NUP133: variants seen among roughly 807,000 people sequenced by gnomAD.
The protein encoded by NUP133 is nuclear pore complex protein Nup133.
In NUP133, 66 loss-of-function variants were observed where a neutral mutation model predicts 146.2. The observed-to-expected ratio is 0.45, with a 90% confidence interval of 0.37 to 0.55. The LOEUF (loss-of-function observed/expected upper bound fraction) is 0.55. Ranked by LOEUF, NUP133 falls within the 20% of genes least tolerant of loss-of-function variation. The probability of loss-of-function intolerance (pLI) is 0.00; values close to 1 mark genes in which losing one functional copy is unlikely to be tolerated. For missense variants in NUP133, 1,277 were observed against 1,374.8 expected, an observed-to-expected ratio of 0.93 and a Z score of 1.12; for synonymous variants, 521 against 498.8, an observed-to-expected ratio of 1.04 and a Z score of -0.59.
rs138083603 is a variant in NUP133 at position 229,444,772 on chromosome 1, G to A, written c.3334+142C>T. 2.0e-4 allele frequency: 107 copies of A among 535,976 alleles called. 1 individual carries two copies. The East Asian group carries it at 3.1e-3, about 15-fold the overall frequency. The allele number at this position is 535,976 out of a possible 1,614,324, so 33.2% of individuals were successfully genotyped here. On this transcript the variant is annotated intron_variant, in intron 25 of 25. Coordinates refer to ENST00000261396, the MANE Select transcript of NUP133 (RefSeq NM_018230.3). ...TGAGGCAGAAGAATTGCTTGAACCC[G>A]GGAGGTGGAGGCTGCACTGAGCCGA...
At position 229,440,433 on chromosome 1, in the gene NUP133, G is replaced by C. The variant is rs1238780038; in HGVS notation, c.*1471C>G. The C allele has an allele frequency of 6.6e-6, 1 of 152,220 alleles. No homozygotes were observed. Among genetic ancestry groups the C allele is most frequent in the Non-Finnish European group, 1.5e-5 (1 of 68,060 alleles). The allele number at this position is 152,220 out of a possible 1,614,324, so 9.4% of individuals were successfully genotyped here. On this transcript the variant is annotated 3_prime_UTR_variant, in exon 26 of 26. Transcript: ENST00000261396. ...CAGTCGTTCTACGTCCACGCGATCA[G>C]TGGGTTCTGGGGCATGATCAGATGG...
chr1:229,478,730 A>C (rs749482262), intron 12 of NUP133, among the ~76,000 whole-genome samples: 32 of 152,216 alleles, frequency 2.1e-4, no homozygotes, highest in Non-Finnish European at 3.5e-4. Context: ...GATACTGAGA[A>C]GGGATGAATC....
intron 21 of NUP133, among the ~76,000 whole-genome samples, chr1:229,455,323 C>T (rs997493304): frequency 2.0e-5 from 3 of 152,070 alleles, no homozygotes; most frequent in East Asian, 1.9e-4. Flanking sequence ...CTTTGGAGGC[C>T]GAGGTGGGCA....
chr1:229,493,720 C>T (rs192617918), intron 8 of NUP133, among the ~76,000 whole-genome samples: 1 of 152,214 alleles, frequency 6.6e-6, no homozygotes, highest in Non-Finnish European at 1.5e-5. Flanking sequence ...CTCACAGGGA[C>T]CCTGCTGGTC....
chr1:229,470,889 C>A, intron 14 of NUP133, 85 bp from the exon 15 acceptor site: 1 of 1,235,082 alleles, frequency 8.1e-7, no homozygotes, highest in Admixed American at 1.9e-5. Flanking sequence ...CAGAAGCACC[C>A]TGGGCAGTCA....
intron 14 of NUP133, among the ~76,000 whole-genome samples, chr1:229,473,141 A>G (rs749839408): frequency 1.3e-4 from 20 of 151,970 alleles, no homozygotes; most frequent in Non-Finnish European, 2.8e-4. Context: ...GGTCCCATCT[A>G]TTGGGGAGGC....
rs75598322 is a variant in NUP133 at position 229,451,344 on chromosome 1, A to T, written c.3100-739T>A. Among the ~76,000 whole-genome samples the T allele has an allele frequency of 8.4e-3, 1,275 of 152,152 alleles. 8 individuals are homozygous for T. The highest frequency in any genetic ancestry group is 0.027 in the Middle Eastern group (8 of 294). On this transcript the variant is annotated intron_variant, in intron 22 of 25. Transcript: ENST00000261396. ...AGCTTGGGAGGTCAAGGCTGCAGTGAGCTGTGACAGGGCCACTGCACTCCA... is the reference window on the plus strand; with the variant it reads ...AGCTTGGGAGGTCAAGGCTGCAGTGTGCTGTGACAGGGCCACTGCACTCCA...
At chr1:229,480,673 T>A (rs1661187485) in intron 12 of NUP133, among the ~76,000 whole-genome samples, 1 of 152,094 alleles carries the variant, frequency 6.6e-6, no homozygotes. Context: ...GGGGAAAGGG[T>A]GCTAATGGCA....
rs58520087 is a variant in NUP133, at chr1:229,502,558, CAAAAAAA to C, written c.302-463_302-457del. Among the ~76,000 whole-genome samples, 8 of 43,094 alleles carry C rather than the reference CAAAAAAA, an allele frequency of 1.9e-4. No individual in the cohort carries two copies. In the South Asian group the frequency reaches 4.4e-3, roughly 24 times the overall value. The allele number at this position is 43,094 out of a possible 152,430, so 28.3% of individuals were successfully genotyped here. A position where few individuals can be genotyped will look rare whatever the true frequency, so the allele number is the denominator to read the frequency against. ...TGGGCAACAGAGCCAGACTCCATCT[CAAAAAAA>C]AAAAAAAAAAAAAAAGAAAGAAAAA... On this transcript the variant is annotated intron_variant, in intron 2 of 25. Coordinates refer to ENST00000261396, the MANE Select transcript of NUP133 (RefSeq NM_018230.3).
intron 1 of NUP133, among the ~76,000 whole-genome samples, chr1:229,506,890 AGCTGTT>A (rs889172115): frequency 9.2e-5 from 14 of 151,926 alleles, no homozygotes; most frequent in African/African-American, 3.4e-4. Flanking sequence ...TACGAGCATC[AGCTGTT>A]ACATGGTCCT....
rs1375527677 is a variant in NUP133, at chr1:229,464,873, T to C, written c.2302A>G (p.Thr768Ala). ...GTTCGGATGCCACCAGGACCACTTG[T>C]TGCTGTGAAATTACACAAAATAATA... ...KEPEYVPWTA[T>A]SGPGGIRTVI... is the part of the protein sequence containing the mutation. Residue 768 changes from threonine (T) to alanine (A), a missense_variant and splice_region_variant, in exon 18 of 26, where the codon ACA becomes GCA. Coordinates refer to ENST00000261396, the MANE Select transcript of NUP133 (RefSeq NM_018230.3). 2 of 1,613,732 alleles carry C rather than the reference T, an allele frequency of 1.2e-6. No individual in the cohort carries two copies. The highest frequency in any genetic ancestry group is 1.1e-5 in the South Asian group (1 of 91,064).
In NUP133 at chr1:229,477,686, T is replaced by A. The variant is rs143135859; in HGVS notation, c.1667A>T (p.Glu556Val). 1.9e-6 allele frequency: 3 copies of A among 1,613,958 alleles called. No individual in the cohort carries two copies. The highest frequency in any genetic ancestry group is 1.6e-4 in the Middle Eastern group (1 of 6,062). ...SSHSDLDSDS[E>V]LDRAVTQISV... ...GATTTGGGTAACTGCCCTGTCTAGT[T>A]CAGAATCAGAATCCAAATCAGAGTG... Residue 556 changes from glutamate (E) to valine (V), a missense_variant, in exon 13 of 26, where the codon GAA becomes GTA. Glu to Val is a moderately radical substitution (Grantham distance 121). Around this residue, in one of 3 missense-constraint regions of NUP133, gnomAD observed 952 missense variants for 1,047.0 expected, o/e 0.91. Coordinates refer to ENST00000261396, the MANE Select transcript of NUP133 (RefSeq NM_018230.3).
chr1:229,446,795 C>T (rs148106228), intron 24 of NUP133, among the ~76,000 whole-genome samples: 1,747 of 151,744 alleles, frequency 0.012, 22 homozygotes, highest in Non-Finnish European at 0.014. Flanking sequence ...ATCATAGCTT[C>T]GAGTCTCGTT....
chr1:229,453,998 C>T (rs752566839), intron 21 of NUP133, among the ~76,000 whole-genome samples: 4 of 151,820 alleles, frequency 2.6e-5, no homozygotes, highest in Non-Finnish European at 5.9e-5. Context: ...TGAAAATCTC[C>T]GAAATATATT....
chr1:229,479,570 G>A (rs1012458587), intron 12 of NUP133, among the ~76,000 whole-genome samples: 10 of 152,182 alleles, frequency 6.6e-5, no homozygotes, highest in Non-Finnish European at 1.5e-4. Flanking sequence ...GTATAAGAAT[G>A]ACTCCTCTGT....
At chr1:229,504,308 C>T (rs181090553) in intron 2 of NUP133, among the ~76,000 whole-genome samples, 67 of 152,154 alleles carry the variant, frequency 4.4e-4, no homozygotes, top group African/African-American at 1.4e-3. Context: ...GGTCAAGAAC[C>T]GCTAAATTTT....
At chr1:229,460,802 A>G (rs765335036) in intron 19 of NUP133, 33 bp from the exon 20 acceptor site, 12 of 1,558,188 alleles carry the variant, frequency 7.7e-6, no homozygotes, top group Middle Eastern at 1.7e-4. Context: ...TTCATTCATA[A>G]TAGTTTAAAA....
Position 229,441,738 on chromosome 1 carries a change from A to C in NUP133, c.*166T>G, listed in dbSNP as rs556265639. 6.5e-5 allele frequency: 38 copies of C among 588,746 alleles called. No homozygotes were observed. The South Asian group carries it at 9.6e-4, about 15-fold the overall frequency. The allele number at this position is 588,746 out of a possible 1,614,324, so 36.5% of individuals were successfully genotyped here. ...AACAAGTCACATAACTGAAAACCAAAATCACAGTTACATAACTATTTTATA... is the reference window on the plus strand; with the variant it reads ...AACAAGTCACATAACTGAAAACCAACATCACAGTTACATAACTATTTTATA... On this transcript the variant is annotated 3_prime_UTR_variant, in exon 26 of 26. Transcript: ENST00000261396.
chr1:229,495,328 C>T (rs1661629484), intron 8 of NUP133, among the ~76,000 whole-genome samples, 167 bp downstream of exon 8: 1 of 152,168 alleles, frequency 6.6e-6, no homozygotes, highest in African/African-American at 2.4e-5. Flanking sequence ...GAGGTCATGG[C>T]TGCAGTGAGC....
Sources: allele counts gnomAD v4.1 joint callset (sites outside exome capture counted in the v4.1 genomes callset), GRCh38; gene constraint gnomAD v4.1.1; regional missense constraint gnomAD v4.1.1; transcripts MANE v1.5; gene names NCBI Gene and HGNC (gene_info 2026-07-23, HGNC 2026-07-21).